Variants in GNG12 observed in about 807,000 individuals in gnomAD.
GNG12 encodes G protein subunit gamma 12, also known as guanine nucleotide-binding protein G(I)/G(S)/G(O) subunit gamma-12.
For synonymous variants in GNG12, 28 were observed against 29.7 expected (o/e 0.94, Z 0.19); for missense variants, 69 against 83.8 (o/e 0.82, Z 0.69).
intron 1 of GNG12, among the ~76,000 whole-genome samples, chr1:67,818,222 C>CAG (rs1301811749): frequency 6.6e-6 from 1 of 152,152 alleles, no homozygotes; most frequent in Non-Finnish European, 1.5e-5. Context: ...CTTATGTCCC[C>CAG]AGAGTCTTGT....
chr1:67,793,642 G>A (rs901314333), intron 1 of GNG12, among the ~76,000 whole-genome samples: 5 of 152,108 alleles, frequency 3.3e-5, no homozygotes, highest in Non-Finnish European at 7.3e-5. Context: ...GGCTGTGCAA[G>A]TGGCTTTCTT....
chr1:67,748,567 T>C (rs898419699), intron 2 of GNG12, among the ~76,000 whole-genome samples: 6 of 152,198 alleles, frequency 3.9e-5, no homozygotes, highest in Non-Finnish European at 8.8e-5. Context: ...TCTTTTGGGA[T>C]GGCAGCTGTT....
chr1:67,793,813 C>T (rs1646814953), intron 1 of GNG12, among the ~76,000 whole-genome samples: 2 of 152,220 alleles, frequency 1.3e-5, no homozygotes, highest in African/African-American at 4.8e-5. Context: ...ATGTTTTTCT[C>T]TTCACTCACT....
chr1:67,833,090 C>T (rs1211520864), intron 1 of GNG12, among the ~76,000 whole-genome samples: 1 of 151,976 alleles, frequency 6.6e-6, no homozygotes, highest in African/African-American at 2.4e-5. Context: ...CCGTTTCTGC[C>T]TCTGGGTCTC....
intron 1 of GNG12, among the ~76,000 whole-genome samples, chr1:67,799,023 C>G (rs1022303774): frequency 1.3e-5 from 2 of 151,992 alleles, no homozygotes; most frequent in African/African-American, 4.8e-5. Context: ...TTTCTTAATA[C>G]GTTTCTCTAG....
chr1:67,754,185 T>G (rs1488397870), intron 2 of GNG12, among the ~76,000 whole-genome samples: 1 of 152,120 alleles, frequency 6.6e-6, no homozygotes, highest in African/African-American at 2.4e-5. Context: ...GAGGGCAAGC[T>G]CTTGGCCTGG....
chr1:67,773,268 G>A (rs930057802), intron 2 of GNG12, among the ~76,000 whole-genome samples: 5 of 152,072 alleles, frequency 3.3e-5, no homozygotes, highest in Admixed American at 6.6e-5. Flanking sequence ...AAAAGTCTAG[G>A]CTTAACATTA....
At chr1:67,718,903 C>T (rs911256748) in intron 2 of GNG12, among the ~76,000 whole-genome samples, 5 of 152,204 alleles carry the variant, frequency 3.3e-5, no homozygotes, top group African/African-American at 1.2e-4. Flanking sequence ...CTACACAGAG[C>T]TTACTATATG....
intron 2 of GNG12, among the ~76,000 whole-genome samples, chr1:67,739,758 G>A (rs1329219976): frequency 6.6e-6 from 1 of 152,192 alleles, no homozygotes; most frequent in Non-Finnish European, 1.5e-5. Context: ...GCATAAACCA[G>A]ACATAGTGAG....
chr1:67,766,497 G>C (rs1646640739), intron 2 of GNG12, among the ~76,000 whole-genome samples: 1 of 152,116 alleles, frequency 6.6e-6, no homozygotes, highest in African/African-American at 2.4e-5. Flanking sequence ...AGCATAAGCA[G>C]GGCTTAATCA....
intron 1 of GNG12, among the ~76,000 whole-genome samples, chr1:67,790,761 C>T (rs1468302923): frequency 5.3e-5 from 8 of 152,008 alleles, no homozygotes; most frequent in African/African-American, 1.2e-4. Flanking sequence ...AGGCGTGTGC[C>T]GCCACCACCA....
At chr1:67,758,310 A>G (rs1646581958) in intron 2 of GNG12, among the ~76,000 whole-genome samples, 1 of 152,230 alleles carries the variant, frequency 6.6e-6, no homozygotes. Flanking sequence ...ACACATTAGA[A>G]TAAACAAACA....
At chr1:67,831,458 T>C (rs1647044261) in intron 1 of GNG12, among the ~76,000 whole-genome samples, 2 of 152,208 alleles carry the variant, frequency 1.3e-5, no homozygotes, top group African/African-American at 4.8e-5. Flanking sequence ...AGATTCACAT[T>C]TTCATATATT....
chr1:67,759,463 G>A (rs187995026), intron 2 of GNG12, among the ~76,000 whole-genome samples: 153 of 152,298 alleles, frequency 1.0e-3, no homozygotes, highest in African/African-American at 3.5e-3. Context: ...TTTGTGTTCG[G>A]ACTCTTTCAC....
intron 2 of GNG12, among the ~76,000 whole-genome samples, chr1:67,752,033 C>A (rs114493387): frequency 8.9e-4 from 136 of 152,322 alleles, no homozygotes; most frequent in African/African-American, 3.2e-3. Context: ...TAAGAAACTG[C>A]AGTCCCTTCC....
chr1:67,790,610 CT>C (rs34333997), intron 1 of GNG12, among the ~76,000 whole-genome samples: 69,884 of 125,044 alleles, frequency 0.56, 17,000 homozygotes, highest in Admixed American at 0.63. Flanking sequence ...TAGTTTATTC[CT>C]TTTTTTTTTT....
chr1:67,732,120 T>A (rs185482609), intron 2 of GNG12, among the ~76,000 whole-genome samples: 2 of 152,232 alleles, frequency 1.3e-5, no homozygotes, highest in African/African-American at 4.8e-5. Context: ...TTAGATTCTA[T>A]GTCTATGCCT....
At chr1:67,788,826 T>C (rs1646784480) in intron 1 of GNG12, among the ~76,000 whole-genome samples, 1 of 152,246 alleles carries the variant, frequency 6.6e-6, no homozygotes. Flanking sequence ...AAGAATGCAC[T>C]ATAGTTTCCA....
intron 1 of GNG12, among the ~76,000 whole-genome samples, chr1:67,789,515 G>A (rs1318465703): frequency 6.6e-6 from 1 of 152,154 alleles, no homozygotes; most frequent in African/African-American, 2.4e-5. Flanking sequence ...TTTTATTGGA[G>A]TAGTCAAGGT....
Sources: gnomAD v4.1 joint callset for allele counts (sites outside exome capture counted in the v4.1 genomes callset) on GRCh38, gnomAD v4.1.1 for gene constraint, MANE v1.5 for transcripts, NCBI Gene and HGNC (gene_info 2026-07-23, HGNC 2026-07-21) for gene names.